MYO5A: variants seen among roughly 807,000 people sequenced by gnomAD.
The protein encoded by MYO5A is myosin VA, also known as unconventional myosin-Va.
MYO5A carries 98 observed loss-of-function variants against 249.7 expected under a neutral mutation model. The observed-to-expected ratio is 0.39, with a 90% CI of 0.33 to 0.46. The LOEUF is 0.46. Among genes scored for constraint, MYO5A ranks in the 20% least tolerant of loss-of-function variants. MYO5A has a pLI of 0.98. For synonymous variants in MYO5A, 778 were observed against 810.6 expected (o/e 0.96, Z 0.68); for missense variants, 1,696 against 2,308.8 (o/e 0.73, Z 5.44).
intron 32 of MYO5A, 61 bp from the exon 33 acceptor site, chr15:52,337,945 T>A: frequency 8.9e-7 from 1 of 1,129,050 alleles, no homozygotes; most frequent in Non-Finnish European, 1.3e-6. Context: ...AAATGCTATC[T>A]TTCAGCAAAA....
At chr15:52,392,330 AT>A (rs960138758) in intron 11 of MYO5A, among the ~76,000 whole-genome samples, 12 of 152,204 alleles carry the variant, frequency 7.9e-5, no homozygotes, top group African/African-American at 2.9e-4. Context: ...TGATCTTTTG[AT>A]TATGTATATT....
chr15:52,478,727 C>G (rs988251954), intron 1 of MYO5A, among the ~76,000 whole-genome samples: 1 of 152,162 alleles, frequency 6.6e-6, no homozygotes, highest in Non-Finnish European at 1.5e-5. Context: ...AGCGTGAGAT[C>G]ACTTTTTGCT....
chr15:52,372,404 A>C (rs1404387505), intron 20 of MYO5A, 41 bp from the exon 21 acceptor site: 36 of 1,597,116 alleles, frequency 2.3e-5, no homozygotes, highest in Non-Finnish European at 3.1e-5. Context: ...AAGACCCTGG[A>C]CTACACTCAT....
intron 2 of MYO5A, among the ~76,000 whole-genome samples, chr15:52,429,173 CT>C (rs1019154523): frequency 3.3e-5 from 5 of 152,036 alleles, no homozygotes; most frequent in Non-Finnish European, 7.4e-5. Flanking sequence ...CATATGTGTA[CT>C]TTTTTTGAGG....
chr15:52,517,602 T>C (rs1359145898), intron 1 of MYO5A, among the ~76,000 whole-genome samples: 1 of 152,114 alleles, frequency 6.6e-6, no homozygotes, highest in African/African-American at 2.4e-5. Flanking sequence ...TCCTAGCTAC[T>C]CCAGAGGCTG....
intron 1 of MYO5A, among the ~76,000 whole-genome samples, chr15:52,503,497 G>C (rs1186166927): frequency 3.3e-5 from 5 of 152,110 alleles, no homozygotes; most frequent in African/African-American, 1.2e-4. Flanking sequence ...TGCCAGGCAT[G>C]GTGGCGCATA....
At position 52,504,560 on chromosome 15, in the gene MYO5A, G is replaced by A. The variant is rs373582692; in HGVS notation, c.27+24220C>T. On this transcript the variant is annotated intron_variant, in intron 1 of 41. Coordinates refer to ENST00000399233, the MANE Select transcript of MYO5A (RefSeq NM_001382347.1). ...TTATATTAACTTTATTCACATTGAAGCTGCCACATCTTACATTAGGAATGC... is the reference window on the plus strand; with the variant it reads ...TTATATTAACTTTATTCACATTGAAACTGCCACATCTTACATTAGGAATGC... Among the ~76,000 whole-genome samples, 476 of 152,254 alleles carry A rather than the reference G, an allele frequency of 3.1e-3. 5 individuals are homozygous for A. The highest frequency in any genetic ancestry group is 0.011 in the African/African-American group (466 of 41,534).
At chr15:52,351,937 G>C (rs2039975102) in intron 27 of MYO5A, among the ~76,000 whole-genome samples, 1 of 152,190 alleles carries the variant, frequency 6.6e-6, no homozygotes, top group African/African-American at 2.4e-5. Flanking sequence ...CCTTTATAAA[G>C]CAGAATGGAA....
chr15:52,427,556 T>C (rs892546734), intron 3 of MYO5A, among the ~76,000 whole-genome samples: 1 of 151,786 alleles, frequency 6.6e-6, no homozygotes, highest in Non-Finnish European at 1.5e-5. Flanking sequence ...GAAACAGAAA[T>C]AGTTACCAGA....
intron 1 of MYO5A, among the ~76,000 whole-genome samples, chr15:52,453,377 A>C (rs1427413037): frequency 6.6e-6 from 1 of 152,190 alleles, no homozygotes; most frequent in Non-Finnish European, 1.5e-5. Flanking sequence ...CCTTCCCACA[A>C]AACAAAAGTT....
intron 1 of MYO5A, 24 bp downstream of exon 1, chr15:52,528,756 G>C (rs2077771452): frequency 2.0e-6 from 3 of 1,503,080 alleles, no homozygotes; most frequent in South Asian, 1.2e-5. Flanking sequence ...CCCAGTCCTC[G>C]ACGCCGGCCG....
At chr15:52,333,631 A>G (rs2038987034) in intron 34 of MYO5A, among the ~76,000 whole-genome samples, 1 of 152,234 alleles carries the variant, frequency 6.6e-6, no homozygotes, top group Non-Finnish European at 1.5e-5. Flanking sequence ...AAAGCAGATC[A>G]AATTTTGAAA....
chr15:52,355,192 TCA>T (rs2141031039), intron 25 of MYO5A, among the ~76,000 whole-genome samples: 1 of 152,302 alleles, frequency 6.6e-6, no homozygotes, highest in East Asian at 1.9e-4. Flanking sequence ...TATATTGAGA[TCA>T]CACAGAGAAA....
rs2075574981 is a variant in MYO5A at position 52,432,974 on chromosome 15, TCTG to T, written c.138+198_138+200del. 2.0e-5 allele frequency among the ~76,000 whole-genome samples: 3 copies of T among 152,358 alleles called. No homozygotes were observed. In the East Asian group the frequency reaches 5.8e-4, roughly 29 times the overall value. Reference sequence around the variant, plus strand: ...GCCAAAATAGAAGCTTTTTAAAGTATCTGCTATTTTCACTAATCTATGCCATTA... The same window carrying T: ...GCCAAAATAGAAGCTTTTTAAAGTATCTATTTTCACTAATCTATGCCATTA... On this transcript the variant is annotated intron_variant, in intron 2 of 41. Coordinates refer to ENST00000399233, the MANE Select transcript of MYO5A (RefSeq NM_001382347.1).
intron 1 of MYO5A, among the ~76,000 whole-genome samples, chr15:52,459,804 C>A (rs1306830459): frequency 6.6e-6 from 1 of 151,114 alleles, no homozygotes; most frequent in African/African-American, 2.4e-5. Context: ...GGGCTCCTCA[C>A]TTCCCAGACG....
chr15:52,419,378 G>A (rs1397665872), intron 4 of MYO5A, among the ~76,000 whole-genome samples: 1 of 152,164 alleles, frequency 6.6e-6, no homozygotes, highest in Non-Finnish European at 1.5e-5. Context: ...TCTTAAAGAT[G>A]TGGCTTCACT....
In MYO5A at chr15:52,376,403, G is replaced by A. The variant is rs1161040690; in HGVS notation, c.2364C>T (p.Arg788=). 2 of 1,614,134 alleles carry A rather than the reference G, an allele frequency of 1.2e-6. No individual in the cohort carries two copies. Among genetic ancestry groups the A allele is most frequent in the South Asian group, 1.1e-5 (1 of 91,082 alleles). The stretch of plus-strand genomic sequence containing the variant: ...GCATGGTGATGGCTGCCTTCCGCAT[G>A]CGTAGGTACTTCTTTCTCAGCAGCC... The part of the protein sequence containing the change: ...RGWLLRKKYL[R]MRKAAITMQR... Residue 788 remains arginine (R), a synonymous_variant, in exon 19 of 42, where the codon CGC becomes CGT. Coordinates refer to ENST00000399233, the MANE Select transcript of MYO5A (RefSeq NM_001382347.1).
At chr15:52,451,059 C>A (rs1595708855) in intron 1 of MYO5A, among the ~76,000 whole-genome samples, 3 of 152,054 alleles carry the variant, frequency 2.0e-5, no homozygotes, top group African/African-American at 7.2e-5. Flanking sequence ...CCCCTAGATC[C>A]ACATTACTTC....
rs145608586 is a variant in MYO5A, at chr15:52,346,246, C to T, written c.3959+115G>A. ...GAAACCTTGGATTCCCTTTGAAGGC[C>T]AGTTAATGTCTAATATAAAGGAATG... On this transcript the variant is annotated intron_variant, in intron 30 of 41. Coordinates refer to ENST00000399233, the MANE Select transcript of MYO5A (RefSeq NM_001382347.1). The T allele has an allele frequency of 3.2e-3, 2,209 of 692,550 alleles. 22 individuals carry two copies. The highest frequency in any genetic ancestry group is 0.022 in the African/African-American group (1,261 of 56,080). The allele number at this position is 692,550 out of a possible 1,614,324, so 42.9% of individuals were successfully genotyped here.
Sources: gnomAD v4.1 joint callset for allele counts (sites outside exome capture counted in the v4.1 genomes callset) on GRCh38, gnomAD v4.1.1 for gene constraint, MANE v1.5 for transcripts, NCBI Gene and HGNC (gene_info 2026-07-23, HGNC 2026-07-21) for gene names.